The following COG5 variants were observed in gnomAD, a reference collection of about 807,000 sequenced individuals.
COG5 encodes conserved oligomeric Golgi complex subunit 5.
In COG5, 86 loss-of-function variants were observed where a neutral mutation model predicts 110.4. The observed-to-expected ratio is 0.78, with a 90% CI of 0.65 to 0.93. The LOEUF (loss-of-function observed/expected upper bound fraction) is 0.93. Among genes scored for constraint, COG5 ranks in the 40% least tolerant of loss-of-function variants. The pLI is 0.00. For missense variants in COG5, 1,077 were observed against 987.0 expected, an observed-to-expected ratio of 1.09 and a Z score of -1.22; for synonymous variants, 360 against 334.6, an observed-to-expected ratio of 1.08 and a Z score of -0.83.
At chr7:107,322,605 G>A (rs1809406857) in intron 11 of COG5, among the ~76,000 whole-genome samples, 1 of 152,028 alleles carries the variant, frequency 6.6e-6, no homozygotes, top group South Asian at 2.1e-4. Flanking sequence ...TGGAGCAACT[G>A]GAACTATCAC....
At chr7:107,431,285 A>T (rs1186357526) in intron 6 of COG5, among the ~76,000 whole-genome samples, 1 of 152,250 alleles carries the variant, frequency 6.6e-6, no homozygotes, top group Non-Finnish European at 1.5e-5. Flanking sequence ...AATAAAAAAG[A>T]ATGAAATTTG....
intron 8 of COG5, among the ~76,000 whole-genome samples, chr7:107,367,764 G>A (rs1446931593): frequency 5.9e-5 from 9 of 151,950 alleles, no homozygotes; most frequent in Admixed American, 5.9e-4. Flanking sequence ...TGGTATAATG[G>A]ACATTAGAGA....
At chr7:107,229,653 TTCTC>T (rs1800623550) in intron 19 of COG5, among the ~76,000 whole-genome samples, 1 of 152,162 alleles carries the variant, frequency 6.6e-6, no homozygotes. Flanking sequence ...ACAAGGACTT[TTCTC>T]TCTATTATAC....
In COG5 at chr7:107,452,283, T is replaced by C. The variant is rs574182153; in HGVS notation, c.539-39651A>G. ...ATACAAGTCGGATTACATTACTCCCTTGGAGTCATCAATGCTCTCCTGTAA... is the reference window on the plus strand; with the variant it reads ...ATACAAGTCGGATTACATTACTCCCCTGGAGTCATCAATGCTCTCCTGTAA... On this transcript the variant is annotated intron_variant, in intron 6 of 21. Coordinates refer to ENST00000297135, the MANE Select transcript of COG5 (RefSeq NM_006348.5). Among the ~76,000 whole-genome samples, 4 of 152,350 alleles carry C rather than the reference T, an allele frequency of 2.6e-5. No homozygotes were observed. The East Asian group carries it at 5.8e-4, about 22-fold the overall frequency.
chr7:107,555,713 A>G (rs1302818678), intron 2 of COG5, among the ~76,000 whole-genome samples: 3 of 152,176 alleles, frequency 2.0e-5, no homozygotes, highest in Non-Finnish European at 2.9e-5. Flanking sequence ...TGTGGAAGAC[A>G]AGAGAGAGGA....
intron 11 of COG5, among the ~76,000 whole-genome samples, chr7:107,320,189 T>G (rs1009836769): frequency 6.6e-6 from 1 of 152,150 alleles, no homozygotes; most frequent in African/African-American, 2.4e-5. Context: ...TGTGAAGTTT[T>G]GTTATATAAA....
At chr7:107,559,544 G>T (rs1413011744) in intron 1 of COG5, among the ~76,000 whole-genome samples, 6 of 152,150 alleles carry the variant, frequency 3.9e-5, no homozygotes, top group African/African-American at 1.4e-4. Context: ...CACATGGCAG[G>T]TTCCATGAAT....
intron 7 of COG5, among the ~76,000 whole-genome samples, chr7:107,411,709 T>C (rs746157788): frequency 2.0e-5 from 3 of 152,150 alleles, no homozygotes; most frequent in Non-Finnish European, 4.4e-5. Flanking sequence ...GAATCAGAAG[T>C]CAAATAAGTA....
At chr7:107,310,099 C>T (rs1808091053) in intron 11 of COG5, among the ~76,000 whole-genome samples, 1 of 152,084 alleles carries the variant, frequency 6.6e-6, no homozygotes. Flanking sequence ...TTCCTCATTC[C>T]TTTTTTCCCC....
chr7:107,407,275 G>A (rs927468213), intron 7 of COG5, among the ~76,000 whole-genome samples: 3 of 152,110 alleles, frequency 2.0e-5, no homozygotes, highest in African/African-American at 4.8e-5. Flanking sequence ...CCAGCTACTC[G>A]GGGGGCTGAG....
At position 107,415,977 on chromosome 7, in the gene COG5, C is replaced by T. The variant is rs112999250; in HGVS notation, c.539-3345G>A. On this transcript the variant is annotated intron_variant, in intron 6 of 21. Coordinates refer to ENST00000297135, the MANE Select transcript of COG5 (RefSeq NM_006348.5). ...GTGTGTGTATATACACACACATACA[C>T]GTATGTATATATGTGTGTATATATA... Among the ~76,000 whole-genome samples, 224 of 113,362 alleles carry T rather than the reference C, an allele frequency of 2.0e-3. 17 individuals are homozygous for T. The highest frequency in any genetic ancestry group is 6.2e-3 in the African/African-American group (206 of 32,996). 74.4% of individuals were successfully genotyped at this position (113,362 alleles called of 152,430 possible).
At chr7:107,357,572 G>A (rs1474878957) in intron 10 of COG5, among the ~76,000 whole-genome samples, 2 of 152,128 alleles carry the variant, frequency 1.3e-5, no homozygotes, top group African/African-American at 4.8e-5. Flanking sequence ...AGTTTTTTAA[G>A]TACATGAAAT....
intron 7 of COG5, among the ~76,000 whole-genome samples, chr7:107,400,328 A>C (rs1348806819): frequency 6.6e-6 from 1 of 152,118 alleles, no homozygotes; most frequent in Non-Finnish European, 1.5e-5. Flanking sequence ...TAATTATGTA[A>C]AACCATGGAA....
intron 6 of COG5, among the ~76,000 whole-genome samples, chr7:107,485,379 A>G (rs1162995564): frequency 2.0e-5 from 3 of 152,238 alleles, no homozygotes; most frequent in African/African-American, 7.2e-5. Context: ...GTTCTGAACT[A>G]CATGATAAAA....
chr7:107,519,865 C>T (rs982061296), intron 6 of COG5, among the ~76,000 whole-genome samples: 17 of 152,300 alleles, frequency 1.1e-4, no homozygotes, highest in Non-Finnish European at 2.1e-4. Flanking sequence ...AGGCGAATAT[C>T]CCTGATGAAC....
chr7:107,488,796 A>G (rs559149540), intron 6 of COG5, among the ~76,000 whole-genome samples: 148 of 152,242 alleles, frequency 9.7e-4, no homozygotes, highest in Admixed American at 8.1e-3. Flanking sequence ...GCAGTGAGCC[A>G]AGATTGCACC....
Position 107,298,169 on chromosome 7 carries a change from A to G in COG5, c.1286T>C (p.Ile429Thr), listed in dbSNP as rs1271315911. 1.2e-6 allele frequency: 2 copies of G among 1,610,012 alleles called. No homozygotes were observed. The highest frequency in any genetic ancestry group is 2.7e-5 in the African/African-American group (2 of 74,982). ...ATAATCTGGCTTTTTTGGTATGAAT[A>G]TATCTTGTGCATCATCTTCCATGTG... ...LQHMEDDAQD[I>T]FIPKKPDYDP... Residue 429 changes from isoleucine to threonine, a missense_variant, in exon 12 of 22, where the codon ATA (isoleucine) becomes ACA (threonine). Coordinates refer to ENST00000297135, the MANE Select transcript of COG5 (RefSeq NM_006348.5).
At chr7:107,561,858 C>A (rs1803801382) in intron 1 of COG5, among the ~76,000 whole-genome samples, 1 of 152,146 alleles carries the variant, frequency 6.6e-6, no homozygotes, top group Non-Finnish European at 1.5e-5. Flanking sequence ...CGCTTGTAGT[C>A]CCAGCTTCTC....
intron 11 of COG5, among the ~76,000 whole-genome samples, chr7:107,303,882 C>A (rs1807489405): frequency 6.6e-6 from 1 of 152,138 alleles, no homozygotes; most frequent in South Asian, 2.1e-4. Flanking sequence ...AGGAAAATTA[C>A]AGGTTAATTC....
Sources: gnomAD v4.1 joint callset for allele counts (sites outside exome capture counted in the v4.1 genomes callset) on GRCh38, gnomAD v4.1.1 for gene constraint, MANE v1.5 for transcripts, NCBI Gene and HGNC (gene_info 2026-07-23, HGNC 2026-07-21) for gene names.